CD9: variants seen among roughly 807,000 people sequenced by gnomAD.
The protein encoded by CD9 is CD9 molecule, also known as CD9 antigen.
In CD9, 10 loss-of-function variants were observed where a neutral mutation model predicts 31.4. The ratio of observed to expected loss-of-function variants is 0.32; its 90% CI spans 0.20 to 0.54. The LOEUF is 0.54. Among genes scored for constraint, CD9 ranks in the 20% least tolerant of loss-of-function variants. The pLI is 0.94. For missense variants in CD9, 259 were observed against 300.1 expected (o/e 0.86, Z 1.01); for synonymous variants, 113 against 114.1 (o/e 0.99, Z 0.06).
intron 1 of CD9, among the ~76,000 whole-genome samples, chr12:6,213,180 T>C (rs906577241): frequency 6.6e-6 from 1 of 152,222 alleles, no homozygotes; most frequent in African/African-American, 2.4e-5. Context: ...GTTGCTGTAG[T>C]TGCTGCTACT....
At chr12:6,209,240 G>A (rs543667883) in intron 1 of CD9, among the ~76,000 whole-genome samples, 3 of 152,288 alleles carry the variant, frequency 2.0e-5, no homozygotes, top group Admixed American at 1.3e-4. Flanking sequence ...GATTATAGGC[G>A]TGAGCCACCG....
At chr12:6,210,506 GC>G (rs1197244746) in intron 1 of CD9, among the ~76,000 whole-genome samples, 4 of 152,152 alleles carry the variant, frequency 2.6e-5, no homozygotes, top group Non-Finnish European at 5.9e-5. Context: ...CCCAAGCGAG[GC>G]CAGGTGTAGG....
intron 2 of CD9, among the ~76,000 whole-genome samples, chr12:6,227,966 C>T (rs1008637270): frequency 1.1e-4 from 16 of 152,212 alleles, no homozygotes; most frequent in African/African-American, 2.9e-4. Context: ...CTGGGAACCT[C>T]ACAGGATTCA....
chr12:6,211,934 T>A (rs1238054681), intron 1 of CD9, among the ~76,000 whole-genome samples: 1 of 152,172 alleles, frequency 6.6e-6, no homozygotes, highest in Non-Finnish European at 1.5e-5. Flanking sequence ...TTTTCTCCTC[T>A]CCAGGGCAGA....
chr12:6,207,678 A>C (rs1946148066), intron 1 of CD9, among the ~76,000 whole-genome samples: 1 of 152,150 alleles, frequency 6.6e-6, no homozygotes, highest in Admixed American at 6.6e-5. Context: ...AGGAGGGATC[A>C]TTTGGGGAGC....
At chr12:6,202,505 C>T (rs189018765) in intron 1 of CD9, among the ~76,000 whole-genome samples, 3 of 152,250 alleles carry the variant, frequency 2.0e-5, no homozygotes. Context: ...GCCTAGACTG[C>T]ATCCAGGTTT....
intron 1 of CD9, among the ~76,000 whole-genome samples, chr12:6,203,876 A>C (rs899688848): frequency 6.6e-6 from 1 of 152,136 alleles, no homozygotes; most frequent in Non-Finnish European, 1.5e-5. Context: ...CAAAAGAGGG[A>C]AAGGTTTGGC....
At chr12:6,230,970 G>T (rs1946438138) in intron 2 of CD9, among the ~76,000 whole-genome samples, 1 of 152,226 alleles carries the variant, frequency 6.6e-6, no homozygotes, top group East Asian at 1.9e-4. Context: ...TCAGCTGCGG[G>T]CAGACTGCAT....
At chr12:6,222,169 A>G (rs981054143) in intron 1 of CD9, among the ~76,000 whole-genome samples, 1 of 152,196 alleles carries the variant, frequency 6.6e-6, no homozygotes, top group Non-Finnish European at 1.5e-5. Flanking sequence ...TGACCCTGTG[A>G]CCCCAAGCCA....
At chr12:6,219,054 G>A (rs1418301418) in intron 1 of CD9, among the ~76,000 whole-genome samples, 3 of 152,142 alleles carry the variant, frequency 2.0e-5, no homozygotes, top group Non-Finnish European at 4.4e-5. Context: ...CACCCAGGCT[G>A]GAGTGCAGTG....
chr12:6,230,573 G>C (rs531168473), intron 2 of CD9, among the ~76,000 whole-genome samples: 4 of 152,338 alleles, frequency 2.6e-5, no homozygotes, highest in Middle Eastern at 3.4e-3. Flanking sequence ...CTGCTATGGA[G>C]CTCAAAGGAG....
chr12:6,207,927 G>T (rs1946150570), intron 1 of CD9, among the ~76,000 whole-genome samples: 1 of 152,206 alleles, frequency 6.6e-6, no homozygotes, highest in South Asian at 2.1e-4. Context: ...AGCTCTGCTA[G>T]AAAAGTAACC....
chr12:6,230,282 G>A lies in CD9; in HGVS notation c.176-2350G>A, dbSNP rs144883745. ...GCAAGATTTAAAGCCCACAAAACCC[G>A]TGATCCTAAAATCTTCCTCTGCTGA... On this transcript the variant is annotated intron_variant, in intron 2 of 7. Transcript: ENST00000009180. Among the ~76,000 whole-genome samples the A allele has an allele frequency of 3.2e-4, 49 of 152,296 alleles. No individual in the cohort carries two copies. In the East Asian group the frequency reaches 8.9e-3, roughly 28 times the overall value.
chr12:6,212,247 C>G (rs899342707), intron 1 of CD9, among the ~76,000 whole-genome samples: 4 of 152,178 alleles, frequency 2.6e-5, no homozygotes, highest in Non-Finnish European at 4.4e-5. Context: ...GGGCAAGTCG[C>G]TTTACCTCTC....
At chr12:6,221,788 C>T (rs2136619619) in intron 1 of CD9, among the ~76,000 whole-genome samples, 1 of 118,728 alleles carries the variant, frequency 8.4e-6, no homozygotes, top group East Asian at 2.4e-4. Context: ...CCAGCCTGAG[C>T]AACATAGCGA....
At chr12:6,200,391 C>T (rs1946060943), upstream of CD9, 3 of 698,716 alleles carry the variant, frequency 4.3e-6, no homozygotes, top group Non-Finnish European at 7.9e-6. Flanking sequence ...CAGCCGGAGA[C>T]CAGCCTACAG....
intron 1 of CD9, among the ~76,000 whole-genome samples, chr12:6,202,107 T>C (rs538739078): frequency 2.8e-4 from 43 of 152,284 alleles, no homozygotes; most frequent in Admixed American, 2.8e-3. Flanking sequence ...ACAAGCCTCC[T>C]TAGGGAAATC....
chr12:6,224,173 C>T (rs1946331558), intron 1 of CD9, among the ~76,000 whole-genome samples: 1 of 152,176 alleles, frequency 6.6e-6, no homozygotes, highest in Admixed American at 6.5e-5. Context: ...GTACCTTCCT[C>T]TTCAGATGCA....
intron 4 of CD9, 23 bp from the exon 5 acceptor site, chr12:6,235,206 C>T (rs377669366): frequency 2.6e-5 from 40 of 1,512,412 alleles, no homozygotes; most frequent in Non-Finnish European, 3.3e-5. Context: ...CGTCTCTGCC[C>T]CTCTCTCGTC....
Sources: gnomAD v4.1 joint callset for allele counts (sites outside exome capture counted in the v4.1 genomes callset) on GRCh38, gnomAD v4.1.1 for gene constraint, MANE v1.5 for transcripts, NCBI Gene and HGNC (gene_info 2026-07-23, HGNC 2026-07-21) for gene names.